The following GALNTL6 variants were observed in gnomAD, a reference collection of about 807,000 sequenced individuals.
GALNTL6 encodes the protein polypeptide N-acetylgalactosaminyltransferase-like 6.
Under a neutral mutation model 73.7 loss-of-function variants are expected in GALNTL6, and 46 were observed. The observed-to-expected ratio is 0.62, with a 90% CI of 0.49 to 0.80. GALNTL6 has a LOEUF of 0.80. Among genes scored for constraint, GALNTL6 ranks in the 30% least tolerant of loss-of-function variants. The pLI is 0.00. For missense variants in GALNTL6, 604 were observed against 755.0 expected, an observed-to-expected ratio of 0.80 and a Z score of 2.34; for synonymous variants, 259 against 263.7, an observed-to-expected ratio of 0.98 and a Z score of 0.17.
intron 5 of GALNTL6, among the ~76,000 whole-genome samples, chr4:172,760,970 AAG>A (rs1471877894): frequency 1.3e-5 from 2 of 152,200 alleles, no homozygotes; most frequent in South Asian, 2.1e-4. Flanking sequence ...GAGTAAGAAA[AAG>A]AGGCTCGATG....
At chr4:172,943,471 T>A (rs1407754880) in intron 9 of GALNTL6, among the ~76,000 whole-genome samples, 1 of 152,232 alleles carries the variant, frequency 6.6e-6, no homozygotes, top group Non-Finnish European at 1.5e-5. Flanking sequence ...ATGTTTTTTA[T>A]TGTTTTAAGC....
At chr4:172,315,345 C>T (rs1478785097) in intron 4 of GALNTL6, among the ~76,000 whole-genome samples, 1 of 152,158 alleles carries the variant, frequency 6.6e-6, no homozygotes, top group East Asian at 1.9e-4. Flanking sequence ...CTCACTGCAA[C>T]CTCTGCCTCC....
At chr4:172,696,389 T>C (rs921408450) in intron 5 of GALNTL6, among the ~76,000 whole-genome samples, 1 of 152,210 alleles carries the variant, frequency 6.6e-6, no homozygotes, top group African/African-American at 2.4e-5. Context: ...TTTATTCACC[T>C]TTCAGGCATT....
chr4:172,078,789 A>G (rs1731789048), intron 2 of GALNTL6, among the ~76,000 whole-genome samples: 1 of 152,204 alleles, frequency 6.6e-6, no homozygotes, highest in African/African-American at 2.4e-5. Flanking sequence ...GGGAACTGAA[A>G]TAAACATTTC....
intron 2 of GALNTL6, among the ~76,000 whole-genome samples, chr4:172,118,875 A>C (rs965540092): frequency 6.6e-6 from 1 of 152,046 alleles, no homozygotes; most frequent in African/African-American, 2.4e-5. Context: ...GAAATGAGAA[A>C]TAGACAATGC....
At position 172,120,866 on chromosome 4, in the gene GALNTL6, T is replaced by C. The variant is rs1040062910; in HGVS notation, c.139-108790T>C. Among the ~76,000 whole-genome samples the C allele has an allele frequency of 4.0e-5, 6 of 151,524 alleles. No homozygotes were observed. In the South Asian group the frequency reaches 8.3e-4, roughly 21 times the overall value. ...AGATATGCCTAACTAAGTTGGAGAG[T>C]TTTTGGTCTCGGTGATAGGCAGGCC... is the stretch of plus-strand genomic sequence containing the variant. On this transcript the variant is annotated intron_variant, in intron 2 of 12. Coordinates refer to ENST00000506823, the MANE Select transcript of GALNTL6 (RefSeq NM_001034845.3).
intron 9 of GALNTL6, among the ~76,000 whole-genome samples, chr4:172,943,903 C>G (rs1308166036): frequency 1.3e-5 from 2 of 152,044 alleles, no homozygotes; most frequent in African/African-American, 4.8e-5. Context: ...ATTATTTTTT[C>G]AACAATTGAT....
At chr4:172,732,358 G>C (rs1736201577) in intron 5 of GALNTL6, among the ~76,000 whole-genome samples, 1 of 152,046 alleles carries the variant, frequency 6.6e-6, no homozygotes, top group Admixed American at 6.6e-5. Context: ...AGTTATTCCT[G>C]CTCTTTTTTG....
chr4:171,896,327 A>G (rs1736916012), intron 2 of GALNTL6, among the ~76,000 whole-genome samples: 1 of 152,212 alleles, frequency 6.6e-6, no homozygotes, highest in South Asian at 2.1e-4. Context: ...AACACATATA[A>G]GTCTAATACA....
chr4:172,258,327 TG>T, intron 3 of GALNTL6, among the ~76,000 whole-genome samples: 1 of 151,434 alleles, frequency 6.6e-6, no homozygotes, highest in African/African-American at 2.4e-5. Flanking sequence ...ATAGGTTATT[TG>T]TTGTCTTTGC....
At chr4:172,789,901 G>A (rs771446371) in intron 5 of GALNTL6, among the ~76,000 whole-genome samples, 6 of 152,216 alleles carry the variant, frequency 3.9e-5, no homozygotes, top group Non-Finnish European at 7.3e-5. Flanking sequence ...GGCTATGGGA[G>A]TTATGAGCCA....
At chr4:172,331,073 A>G (rs1418789825) in intron 4 of GALNTL6, among the ~76,000 whole-genome samples, 5 of 152,018 alleles carry the variant, frequency 3.3e-5, no homozygotes, top group Admixed American at 1.3e-4. Flanking sequence ...AACAGCACTA[A>G]TAACTTTAAT....
chr4:172,357,101 C>T (rs1405992686), intron 5 of GALNTL6, among the ~76,000 whole-genome samples: 4 of 152,110 alleles, frequency 2.6e-5, no homozygotes, highest in South Asian at 2.1e-4. Context: ...CACACCAATT[C>T]CAGTCTCCAT....
intron 8 of GALNTL6, among the ~76,000 whole-genome samples, chr4:172,925,936 T>A (rs1748035901): frequency 6.6e-6 from 1 of 152,388 alleles, no homozygotes; most frequent in Non-Finnish European, 1.5e-5. Context: ...GAATAATTAG[T>A]TGAAATTTTA....
At chr4:172,043,064 A>G (rs1560897650) in intron 2 of GALNTL6, among the ~76,000 whole-genome samples, 1 of 151,886 alleles carries the variant, frequency 6.6e-6, no homozygotes, top group Non-Finnish European at 1.5e-5. Flanking sequence ...ACTTTGGCCT[A>G]TTTTAAAAAT....
chr4:172,673,388 T>C (rs1396396664), intron 5 of GALNTL6, among the ~76,000 whole-genome samples: 1 of 152,212 alleles, frequency 6.6e-6, no homozygotes, highest in South Asian at 2.1e-4. Context: ...GTTTTACTTC[T>C]GATTATGTGA....
At chr4:172,528,196 T>A (rs1735026373) in intron 5 of GALNTL6, among the ~76,000 whole-genome samples, 1 of 151,132 alleles carries the variant, frequency 6.6e-6, no homozygotes, top group African/African-American at 2.4e-5. Flanking sequence ...AGACCAACAC[T>A]AAGAAAATTG....
intron 2 of GALNTL6, among the ~76,000 whole-genome samples, chr4:172,104,335 C>T (rs563036114): frequency 6.6e-6 from 1 of 152,158 alleles, no homozygotes; most frequent in Admixed American, 6.5e-5. Context: ...TCAAAGTTTA[C>T]TAAGACAGAG....
intron 7 of GALNTL6, among the ~76,000 whole-genome samples, chr4:172,819,323 A>G (rs570319634): frequency 6.6e-6 from 1 of 152,366 alleles, no homozygotes; most frequent in African/African-American, 2.4e-5. Context: ...TGATAACAAC[A>G]CCGTGTGAAA....
Sources: gnomAD v4.1 joint callset for allele counts (sites outside exome capture counted in the v4.1 genomes callset) on GRCh38, gnomAD v4.1.1 for gene constraint, MANE v1.5 for transcripts, NCBI Gene and HGNC (gene_info 2026-07-23, HGNC 2026-07-21) for gene names.